The following PAMR1 variants were observed in gnomAD, a reference collection of about 807,000 sequenced individuals.
The protein encoded by PAMR1 is peptidase domain containing associated with muscle regeneration 1.
Under a neutral mutation model 81.8 loss-of-function variants are expected in PAMR1, and 88 were observed. That is an observed-to-expected ratio of 1.08 (90% CI 0.91 to 1.28). The LOEUF (loss-of-function observed/expected upper bound fraction) is 1.28. PAMR1 is among the 50% of genes most tolerant of loss of function. The pLI, the probability that PAMR1 is intolerant of heterozygous loss-of-function variation, is 0.00. For synonymous variants in PAMR1, 336 were observed against 345.3 expected, an observed-to-expected ratio of 0.97 and a Z score of 0.30; for missense variants, 935 against 919.7, an observed-to-expected ratio of 1.02 and a Z score of -0.21.
intron 3 of PAMR1, among the ~76,000 whole-genome samples, chr11:35,485,904 C>A (rs1286669592): frequency 2.0e-5 from 3 of 152,246 alleles, no homozygotes; most frequent in African/African-American, 7.2e-5. Flanking sequence ...AAAATGCTTG[C>A]ACTGCCATGG....
rs539025598 is a variant in PAMR1, at chr11:35,432,272, A to C, written c.*84T>G. The stretch of plus-strand genomic sequence containing the variant: ...CAGCCAAGTTCACAGGCCAAATCAC[A>C]CTTCAGGCCCACACTGCTTCACGCA... On this transcript the variant is annotated 3_prime_UTR_variant, in exon 11 of 11. Coordinates refer to ENST00000619888, the MANE Select transcript of PAMR1 (RefSeq NM_001001991.3). The C allele has an allele frequency of 2.3e-6, 3 of 1,323,470 alleles. No individual in the cohort carries two copies. Among genetic ancestry groups the C allele is most frequent in the East Asian group, 2.3e-5 (1 of 43,272 alleles). The allele number at this position is 1,323,470 out of a possible 1,614,324, so 82.0% of individuals were successfully genotyped here. A position where few individuals can be genotyped will look rare whatever the true frequency, so the allele number is the denominator to read the frequency against.
At chr11:35,516,134 C>T (rs1204286026) in intron 1 of PAMR1, among the ~76,000 whole-genome samples, 1 of 152,138 alleles carries the variant, frequency 6.6e-6, no homozygotes, top group East Asian at 1.9e-4. Context: ...GATATAGACA[C>T]AATTATCCTC....
intron 6 of PAMR1, among the ~76,000 whole-genome samples, chr11:35,443,223 C>T (rs11033122): frequency 0.68 from 102,969 of 151,306 alleles, 35,165 homozygotes; most frequent in African/African-American, 0.74. Flanking sequence ...TTTTATTAAG[C>T]TCCGGATACA....
At chr11:35,484,140 C>G (rs1459339229) in intron 3 of PAMR1, among the ~76,000 whole-genome samples, 1 of 152,188 alleles carries the variant, frequency 6.6e-6, no homozygotes, top group Non-Finnish European at 1.5e-5. Flanking sequence ...TGAGCACTTA[C>G]TATATACCAG....
At chr11:35,526,664 C>CG (rs1851398262), upstream of PAMR1, among the ~76,000 whole-genome samples, 1 of 152,180 alleles carries the variant, frequency 6.6e-6, no homozygotes, top group Non-Finnish European at 1.5e-5. Context: ...GGTTTGAACC[C>CG]GGGCAGCTTA....
chr11:35,433,482 G>A (rs1855954871), intron 10 of PAMR1, among the ~76,000 whole-genome samples: 1 of 152,224 alleles, frequency 6.6e-6, no homozygotes, highest in African/African-American at 2.4e-5. Context: ...ATGGGAGCCT[G>A]TAGGAGCACA....
At chr11:35,444,228 T>C (rs1272994545) in intron 6 of PAMR1, among the ~76,000 whole-genome samples, 2 of 152,218 alleles carry the variant, frequency 1.3e-5, no homozygotes, top group Non-Finnish European at 2.9e-5. Context: ...AATTTCCTTG[T>C]AGACTCTGGA....
intron 6 of PAMR1, among the ~76,000 whole-genome samples, chr11:35,449,186 G>T (rs114980302): frequency 0.02 from 2,991 of 152,292 alleles, 117 homozygotes; most frequent in African/African-American, 0.068. Flanking sequence ...TGCACTGGGG[G>T]AAATCCCACT....
At chr11:35,486,536 T>C (rs1305803832) in intron 3 of PAMR1, among the ~76,000 whole-genome samples, 1 of 152,220 alleles carries the variant, frequency 6.6e-6, no homozygotes, top group East Asian at 1.9e-4. Context: ...TCTGCCTGCC[T>C]AGGTGATAGA....
At chr11:35,506,412 T>C (rs1212449297) in intron 1 of PAMR1, among the ~76,000 whole-genome samples, 5 of 85,388 alleles carry the variant, frequency 5.9e-5, no homozygotes, top group African/African-American at 2.4e-4. Context: ...TGCATGTTAG[T>C]GTTTTTTTTT....
intron 1 of PAMR1, among the ~76,000 whole-genome samples, chr11:35,503,607 T>A (rs1433990481): frequency 6.6e-6 from 1 of 152,114 alleles, no homozygotes; most frequent in Non-Finnish European, 1.5e-5. Flanking sequence ...TTAAATTGAC[T>A]CCTAGGTATT....
At chr11:35,475,832 A>G (rs1241322133) in intron 3 of PAMR1, among the ~76,000 whole-genome samples, 2 of 152,210 alleles carry the variant, frequency 1.3e-5, no homozygotes, top group Admixed American at 6.5e-5. Flanking sequence ...AAGAGACAGT[A>G]GGCCCCATGA....
intron 1 of PAMR1, among the ~76,000 whole-genome samples, chr11:35,504,147 T>G (rs905764128): frequency 3.9e-5 from 6 of 152,190 alleles, no homozygotes; most frequent in African/African-American, 1.4e-4. Context: ...GTTTTTGTTC[T>G]TGATTTTTTT....
At chr11:35,453,210 C>A (rs1470262589) in intron 6 of PAMR1, among the ~76,000 whole-genome samples, 3 of 152,186 alleles carry the variant, frequency 2.0e-5, no homozygotes, top group Admixed American at 1.3e-4. Context: ...ACAAAGCACC[C>A]AACTGCCTTT....
At chr11:35,446,375 C>T (rs1322508417) in intron 6 of PAMR1, among the ~76,000 whole-genome samples, 1 of 152,110 alleles carries the variant, frequency 6.6e-6, no homozygotes, top group African/African-American at 2.4e-5. Flanking sequence ...TTGTCTTCTG[C>T]TAGCTTTGGA....
chr11:35,475,073 T>G lies in PAMR1; in HGVS notation c.380-329A>C, dbSNP rs867036205. On this transcript the variant is annotated intron_variant, in intron 3 of 10. Coordinates refer to ENST00000619888, the MANE Select transcript of PAMR1 (RefSeq NM_001001991.3). ...GAGCAAAGACTCAAACCTAACTGTG[T>G]TTGAATGTAAAGTTCGAGCCACCCT... Among the ~76,000 whole-genome samples the G allele has an allele frequency of 7.0e-4, 107 of 152,274 alleles. 2 individuals carry two copies. Among genetic ancestry groups the G allele is most frequent in the African/African-American group, 2.4e-3 (101 of 41,544 alleles).
Position 35,492,096 on chromosome 11 carries a change from C to T in PAMR1, c.328G>A (p.Gly110Arg). ...GGTLDDFYVK[G>R]FYCAECRAGW... ...GCTCGGCACTCTGCACAGTAGAACCCCTTCACATAGAAGTCATCCAAGGTA... is the reference window on the plus strand; with the variant it reads ...GCTCGGCACTCTGCACAGTAGAACCTCTTCACATAGAAGTCATCCAAGGTA... Residue 110 changes from glycine to arginine, a missense_variant, in exon 3 of 11, where the codon GGG becomes AGG. Transcript: ENST00000619888. 2.5e-6 allele frequency: 4 copies of T among 1,614,100 alleles called. No homozygotes were observed. The highest frequency in any genetic ancestry group is 4.5e-5 in the East Asian group (2 of 44,884).
chr11:35,483,285 A>C (rs374332244), intron 3 of PAMR1, among the ~76,000 whole-genome samples: 1 of 151,738 alleles, frequency 6.6e-6, no homozygotes, highest in African/African-American at 2.4e-5. Context: ...AGCTTCCTGC[A>C]CTCCTGTGAC....
intron 3 of PAMR1, among the ~76,000 whole-genome samples, chr11:35,491,665 G>T (rs2135399482): frequency 6.6e-6 from 1 of 152,304 alleles, no homozygotes; most frequent in East Asian, 1.9e-4. Flanking sequence ...TTTAATTCAG[G>T]ATTCAAGAAA....
Sources: gnomAD v4.1 joint callset for allele counts (sites outside exome capture counted in the v4.1 genomes callset) on GRCh38, gnomAD v4.1.1 for gene constraint, MANE v1.5 for transcripts, NCBI Gene and HGNC (gene_info 2026-07-23, HGNC 2026-07-21) for gene names.